The following MIR2052HG variants were observed in gnomAD, a reference collection of about 807,000 sequenced individuals.
MIR2052HG encodes MIR2052 host gene.
chr8:74,613,929 T>TA (rs1316636308), intron 2 of MIR2052HG, among the ~76,000 whole-genome samples: 1 of 152,218 alleles, frequency 6.6e-6, no homozygotes, highest in South Asian at 2.1e-4. Flanking sequence ...TTTAGATATT[T>TA]ACATGAATTT....
chr8:74,703,867 A>G lies in MIR2052HG; in HGVS notation n.371+185A>G, dbSNP rs146614188. ...TTAGGAATACAAATGTGTATTTCCAATGATACCCATCAGGTAGCACTGATA... is the reference window on the plus strand; with the variant it reads ...TTAGGAATACAAATGTGTATTTCCAGTGATACCCATCAGGTAGCACTGATA... On this transcript the variant is annotated intron_variant and non_coding_transcript_variant, in intron 4 of 6. Coordinates refer to ENST00000523442, the Ensembl canonical transcript of MIR2052HG. 6.7e-4 allele frequency among the ~76,000 whole-genome samples: 102 copies of G among 152,196 alleles called. 1 individual carries two copies. In the East Asian group the frequency reaches 0.019, roughly 29 times the overall value.
In MIR2052HG at chr8:74,682,781, T is replaced by C. The variant is rs185643321; in HGVS notation, n.217-19598T>C. On this transcript the variant is annotated intron_variant and non_coding_transcript_variant, in intron 2 of 6. Transcript: ENST00000523442. The stretch of plus-strand genomic sequence containing the variant: ...CTTGATATATACACCCGAGAAACTC[T>C]TGTTCATGTTCACCAAGAGATGTAT... Among the ~76,000 whole-genome samples, 252 of 152,256 alleles carry C rather than the reference T, an allele frequency of 1.7e-3. 2 individuals are homozygous for C. The highest frequency in any genetic ancestry group is 3.6e-3 in the Admixed American group (55 of 15,272).
At chr8:74,637,222 A>G (rs1586899821) in intron 2 of MIR2052HG, among the ~76,000 whole-genome samples, 1 of 152,144 alleles carries the variant, frequency 6.6e-6, no homozygotes, top group Non-Finnish European at 1.5e-5. Flanking sequence ...AGATGGAAGG[A>G]CTACATGTCA....
chr8:74,660,436 C>T (rs1808849458), intron 2 of MIR2052HG, among the ~76,000 whole-genome samples: 1 of 152,116 alleles, frequency 6.6e-6, no homozygotes, highest in Non-Finnish European at 1.5e-5. Flanking sequence ...GGTTTCTGCG[C>T]AAGAGAGAGG....
intron 4 of MIR2052HG, among the ~76,000 whole-genome samples, chr8:74,704,749 G>T (rs1809392607): frequency 6.6e-6 from 1 of 151,920 alleles, no homozygotes; most frequent in African/African-American, 2.4e-5. Context: ...TCTCCCAAAT[G>T]GTTTATCTTT....
intron 2 of MIR2052HG, chr8:74,625,116 C>T (rs13249663): frequency 0.45 from 68,361 of 151,772 alleles, 16,495 homozygotes; most frequent in Middle Eastern, 0.63. Context: ...TGGAGTTTAG[C>T]GGTGTGATCA....
At chr8:74,740,959 C>G (rs1439277068) in intron 4 of MIR2052HG, among the ~76,000 whole-genome samples, 1 of 152,148 alleles carries the variant, frequency 6.6e-6, no homozygotes, top group African/African-American at 2.4e-5. Flanking sequence ...TAGTTGTATT[C>G]TATAAAATTG....
At position 74,603,415 on chromosome 8, in the gene MIR2052HG, G is replaced by A. The variant is rs1464153882; in HGVS notation, n.128+3507G>A. ...ATCAGTAGATCCTTCCACTGGGTTCGCAATTTTGATCTGTGCCCCAGACAT... is the reference window on the plus strand; with the variant it reads ...ATCAGTAGATCCTTCCACTGGGTTCACAATTTTGATCTGTGCCCCAGACAT... On this transcript the variant is annotated intron_variant and non_coding_transcript_variant, in intron 1 of 6. Coordinates refer to ENST00000523442, the Ensembl canonical transcript of MIR2052HG. 4 of 1,609,436 alleles carry A rather than the reference G, an allele frequency of 2.5e-6. No individual in the cohort carries two copies. The African/African-American group carries it at 4.0e-5, about 16-fold the overall frequency.
intron 2 of MIR2052HG, among the ~76,000 whole-genome samples, chr8:74,653,675 A>G (rs575578320): frequency 6.6e-6 from 1 of 152,322 alleles, no homozygotes; most frequent in East Asian, 1.9e-4. Flanking sequence ...AGGACAGATC[A>G]TTACATGAAA....
chr8:74,616,803 G>C (rs999185334), intron 2 of MIR2052HG, among the ~76,000 whole-genome samples: 7 of 151,940 alleles, frequency 4.6e-5, no homozygotes, highest in African/African-American at 9.7e-5. Flanking sequence ...AACTGTTCTT[G>C]CTCTGTTTAC....
intron 1 of MIR2052HG, among the ~76,000 whole-genome samples, chr8:74,601,458 C>T (rs1377726276): frequency 6.6e-6 from 1 of 152,178 alleles, no homozygotes; most frequent in Non-Finnish European, 1.5e-5. Context: ...GTTAAAATCA[C>T]CCCACATTCC....
chr8:74,726,286 A>G (rs994094209), intron 4 of MIR2052HG, among the ~76,000 whole-genome samples: 3 of 152,222 alleles, frequency 2.0e-5, no homozygotes, highest in Admixed American at 2.0e-4. Flanking sequence ...AAGAGAGTAC[A>G]TGCTTTCCTT....
At chr8:74,752,445 G>T (rs537502182) in exon 5 of MIR2052HG, 3 of 441,292 alleles carry the variant, frequency 6.8e-6, no homozygotes, top group Non-Finnish European at 1.4e-5. Flanking sequence ...CACTAGGCCC[G>T]CGTTCAGTCC....
intron 2 of MIR2052HG, among the ~76,000 whole-genome samples, chr8:74,645,519 A>C (rs1808682418): frequency 6.6e-6 from 1 of 152,184 alleles, no homozygotes; most frequent in Non-Finnish European, 1.5e-5. Flanking sequence ...TCCCAACCTC[A>C]GGTGATCTGC....
chr8:74,670,441 A>G (rs1200728610), intron 2 of MIR2052HG, among the ~76,000 whole-genome samples: 1 of 152,218 alleles, frequency 6.6e-6, no homozygotes, highest in Non-Finnish European at 1.5e-5. Context: ...ATCAGGTTGA[A>G]GTATGAAATA....
rs559790214 is a variant in MIR2052HG, at chr8:74,696,494, T to C, written n.217-5885T>C. Among the ~76,000 whole-genome samples, 5 of 151,632 alleles carry C rather than the reference T, an allele frequency of 3.3e-5. No homozygotes were observed. The South Asian group carries it at 1.0e-3, about 32-fold the overall frequency. On this transcript the variant is annotated intron_variant and non_coding_transcript_variant, in intron 2 of 6. Coordinates refer to ENST00000523442, the Ensembl canonical transcript of MIR2052HG. Reference sequence around the variant, plus strand: ...AAGATCAAAGCAGAAGTAAATGAAATTGAAACAAAAAAACACAAAAATTAA... The same window carrying C: ...AAGATCAAAGCAGAAGTAAATGAAACTGAAACAAAAAAACACAAAAATTAA...
At chr8:74,632,106 T>C (rs1808519058) in intron 2 of MIR2052HG, among the ~76,000 whole-genome samples, 1 of 152,208 alleles carries the variant, frequency 6.6e-6, no homozygotes, top group Non-Finnish European at 1.5e-5. Context: ...GAGAGCCCTC[T>C]AGCTTAGACA....
chr8:74,756,069 G>A (rs766264528), intron 5 of MIR2052HG, among the ~76,000 whole-genome samples: 5 of 152,278 alleles, frequency 3.3e-5, no homozygotes, highest in Admixed American at 6.5e-5. Context: ...CTGACTATAC[G>A]TTTTGGGGTT....
intron 1 of MIR2052HG, chr8:74,603,478 A>T (rs1395712989): frequency 6.3e-7 from 1 of 1,597,902 alleles, no homozygotes; most frequent in African/African-American, 1.3e-5. Flanking sequence ...TTGACGCCCG[A>T]TTATGCAGCC....
Sources: allele counts gnomAD v4.1 joint callset (sites outside exome capture counted in the v4.1 genomes callset), GRCh38; gene constraint gnomAD v4.1.1; transcripts MANE v1.5; gene names NCBI Gene and HGNC (gene_info 2026-07-23, HGNC 2026-07-21).